Variants in GALNTL6 observed in about 807,000 individuals in gnomAD.
GALNTL6 encodes polypeptide N-acetylgalactosaminyltransferase-like 6.
In GALNTL6, 46 loss-of-function variants were observed where a neutral mutation model predicts 73.7. The observed-to-expected ratio is 0.62, with a 90% CI of 0.49 to 0.80. The LOEUF (loss-of-function observed/expected upper bound fraction) is 0.80, where lower values mean the gene tolerates loss of function less well. GALNTL6 is among the 30% of genes least tolerant of loss of function. GALNTL6 has a pLI of 0.00. For synonymous variants in GALNTL6, 259 were observed against 263.7 expected, an observed-to-expected ratio of 0.98 and a Z score of 0.17; for missense variants, 604 against 755.0, an observed-to-expected ratio of 0.80 and a Z score of 2.34.
At chr4:172,833,016 G>A (rs960159797) in intron 7 of GALNTL6, among the ~76,000 whole-genome samples, 1 of 151,496 alleles carries the variant, frequency 6.6e-6, no homozygotes, top group African/African-American at 2.4e-5. Flanking sequence ...GGCCAGGTGG[G>A]AAGAACTGTG....
intron 2 of GALNTL6, among the ~76,000 whole-genome samples, chr4:171,981,926 C>T (rs1739908738): frequency 1.3e-5 from 2 of 151,766 alleles, no homozygotes; most frequent in East Asian, 3.9e-4. Context: ...ATTTTAACTA[C>T]AGATCTATTC....
intron 5 of GALNTL6, among the ~76,000 whole-genome samples, chr4:172,377,792 C>T (rs566018937): frequency 2.0e-5 from 3 of 152,300 alleles, no homozygotes; most frequent in East Asian, 1.9e-4. Flanking sequence ...CTAAGCCCCT[C>T]ACTGCCCAGG....
chr4:172,330,835 T>C (rs1310262031), intron 4 of GALNTL6, among the ~76,000 whole-genome samples: 1 of 152,196 alleles, frequency 6.6e-6, no homozygotes, highest in East Asian at 1.9e-4. Context: ...GTTGACCCCT[T>C]GCTGCTGACT....
Position 172,363,543 on chromosome 4 carries a change from T to C in GALNTL6, c.553+14854T>C, listed in dbSNP as rs1310034924. ...TGGATACAGAAGCCCATAACAATTG[T>C]TGGTTTCTACCTTTGGAATCATTCT... On this transcript the variant is annotated intron_variant, in intron 5 of 12. Transcript: ENST00000506823. 2.0e-5 allele frequency among the ~76,000 whole-genome samples: 3 copies of C among 152,312 alleles called. No homozygotes were observed. In the East Asian group the frequency reaches 5.8e-4, roughly 29 times the overall value.
At chr4:172,365,256 T>A (rs1742515455) in intron 5 of GALNTL6, among the ~76,000 whole-genome samples, 1 of 151,912 alleles carries the variant, frequency 6.6e-6, no homozygotes, top group Admixed American at 6.6e-5. Flanking sequence ...GGGGAGGTAA[T>A]CTTGGGGCTG....
At chr4:172,380,548 C>A in intron 5 of GALNTL6, 1 of 341,974 alleles carries the variant, frequency 2.9e-6, no homozygotes, top group Admixed American at 3.8e-5. Context: ...TCCTTGTTTT[C>A]AATGTACAAA....
At chr4:172,259,966 C>T (rs955209462) in intron 3 of GALNTL6, among the ~76,000 whole-genome samples, 5 of 151,340 alleles carry the variant, frequency 3.3e-5, no homozygotes, top group Admixed American at 1.3e-4. Context: ...CATTAGTCCA[C>T]TTGCCTATTT....
At chr4:172,033,716 G>A (rs559855373) in intron 2 of GALNTL6, among the ~76,000 whole-genome samples, 1 of 152,282 alleles carries the variant, frequency 6.6e-6, no homozygotes, top group African/African-American at 2.4e-5. Context: ...CACAGCCACA[G>A]ATAATCACTG....
chr4:172,705,894 AT>A (rs1463727417), intron 5 of GALNTL6, among the ~76,000 whole-genome samples: 2 of 151,738 alleles, frequency 1.3e-5, no homozygotes, highest in East Asian at 3.9e-4. Context: ...TGCTTTTAGG[AT>A]CCTCTATTTG....
intron 5 of GALNTL6, among the ~76,000 whole-genome samples, chr4:172,735,776 C>A (rs1736422964): frequency 6.6e-6 from 1 of 152,070 alleles, no homozygotes; most frequent in African/African-American, 2.4e-5. Context: ...GGTACCAGCC[C>A]CAATATTTCA....
At chr4:172,954,513 C>CTGGA (rs1749615704) in intron 10 of GALNTL6, among the ~76,000 whole-genome samples, 1 of 152,130 alleles carries the variant, frequency 6.6e-6, no homozygotes, top group Admixed American at 6.5e-5. Flanking sequence ...GTCACACAGG[C>CTGGA]TGGAGTGCAG....
At chr4:172,545,178 A>G (rs1735700460) in intron 5 of GALNTL6, among the ~76,000 whole-genome samples, 1 of 152,156 alleles carries the variant, frequency 6.6e-6, no homozygotes, top group South Asian at 2.1e-4. Flanking sequence ...GACAACACAG[A>G]CATTACTAAA....
chr4:172,390,217 G>A (rs1743612628), intron 5 of GALNTL6, among the ~76,000 whole-genome samples: 1 of 151,996 alleles, frequency 6.6e-6, no homozygotes, highest in Non-Finnish European at 1.5e-5. Flanking sequence ...TTCAAACGTT[G>A]TAATCTAATA....
At chr4:172,247,339 T>A (rs1038963309) in intron 3 of GALNTL6, among the ~76,000 whole-genome samples, 2 of 152,160 alleles carry the variant, frequency 1.3e-5, no homozygotes, top group African/African-American at 2.4e-5. Context: ...TTTCACAGCC[T>A]TCTGAAATAC....
intron 2 of GALNTL6, among the ~76,000 whole-genome samples, chr4:171,930,821 C>T (rs984535786): frequency 3.3e-5 from 5 of 152,102 alleles, no homozygotes; most frequent in African/African-American, 1.2e-4. Context: ...GGTGACAGAG[C>T]GAGACTCTGT....
At chr4:172,258,606 A>G (rs960875782) in intron 3 of GALNTL6, among the ~76,000 whole-genome samples, 2 of 151,062 alleles carry the variant, frequency 1.3e-5, no homozygotes, top group African/African-American at 2.4e-5. Flanking sequence ...ATTTTCTTCT[A>G]TTTTATTTCA....
intron 5 of GALNTL6, among the ~76,000 whole-genome samples, chr4:172,533,569 C>T (rs954311681): frequency 5.3e-5 from 8 of 151,868 alleles, no homozygotes; most frequent in Admixed American, 1.3e-4. Flanking sequence ...ATGATCCACC[C>T]GCCTCAGCCT....
Position 172,296,917 on chromosome 4 carries a change from A to G in GALNTL6, c.248-14697A>G, listed in dbSNP as rs571922726. 1.9e-4 allele frequency among the ~76,000 whole-genome samples: 29 copies of G among 152,278 alleles called. No homozygotes were observed. The South Asian group carries it at 6.0e-3, about 32-fold the overall frequency. Reference sequence around the variant, plus strand: ...TGGGTCAAATGGTATTTCTAGTTCTAGATCCCTGAGGAATCACCACACTGA... The same window carrying G: ...TGGGTCAAATGGTATTTCTAGTTCTGGATCCCTGAGGAATCACCACACTGA... On this transcript the variant is annotated intron_variant, in intron 3 of 12. Transcript: ENST00000506823.
intron 5 of GALNTL6, among the ~76,000 whole-genome samples, chr4:172,398,825 G>A (rs1743937853): frequency 6.6e-6 from 1 of 151,676 alleles, no homozygotes; most frequent in African/African-American, 2.4e-5. Context: ...TTTTTTGGAG[G>A]TTCTTTCAAT....
Sources: allele counts gnomAD v4.1 joint callset (sites outside exome capture counted in the v4.1 genomes callset), GRCh38; gene constraint gnomAD v4.1.1; transcripts MANE v1.5; gene names NCBI Gene and HGNC (gene_info 2026-07-23, HGNC 2026-07-21).